ZNF300: variants seen among roughly 807,000 people sequenced by gnomAD.
The protein encoded by ZNF300 is zinc finger protein 300.
Under a neutral mutation model 13.9 loss-of-function variants are expected in ZNF300, and 6 were observed. The ratio of observed to expected loss-of-function variants is 0.43; its 90% CI spans 0.24 to 0.85. The LOEUF (loss-of-function observed/expected upper bound fraction) is 0.85. Ranked by LOEUF, ZNF300 falls within the 40% of genes least tolerant of loss-of-function variation. The pLI is 0.25. For synonymous variants in ZNF300, 237 were observed against 242.2 expected, an observed-to-expected ratio of 0.98 and a Z score of 0.20; for missense variants, 662 against 714.2, an observed-to-expected ratio of 0.93 and a Z score of 0.83.
chr5:150,897,846 C>T, intron 5 of ZNF300: 1 of 476,508 alleles, frequency 2.1e-6, no homozygotes, highest in Admixed American at 3.9e-5. Context: ...CCTTTAAAAC[C>T]CTTTCAGGAA....
At position 150,896,598 on chromosome 5, in the gene ZNF300, T is replaced by C; in HGVS notation, c.641A>G (p.Gln214Arg). The change falls in exon 6 of 6, where the codon CAG becomes CGG. Residue 214 changes from glutamine to arginine, a missense_variant. Coordinates refer to ENST00000274599, the MANE Select transcript of ZNF300 (RefSeq NM_052860.4). ...AGATGATTTTCCACCTCCAAAACTC[T>C]GATCAGGTTTTTTTCTTGAATTGCT... is the stretch of plus-strand genomic sequence containing the variant. ...YKSNSRKKPD[Q>R]SFGGGKSSSQ... 6.2e-7 allele frequency: 1 copy of C among 1,613,726 alleles called. No homozygotes were observed. The highest frequency in any genetic ancestry group is 8.5e-7 in the Non-Finnish European group (1 of 1,179,818).
At position 150,896,121 on chromosome 5, in the gene ZNF300, C is replaced by T. The variant is rs866815097; in HGVS notation, c.1118G>A (p.Arg373Lys). 1 of 1,613,346 alleles carries T rather than the reference C, an allele frequency of 6.2e-7. No homozygotes were observed. Among genetic ancestry groups the T allele is most frequent in the Non-Finnish European group, 8.5e-7 (1 of 1,179,712 alleles). Residue 373 changes from arginine (R) to lysine (K), a missense_variant, in exon 6 of 6, where the codon AGA becomes AAA. Arg to Lys is a conservative substitution (Grantham distance 26, BLOSUM62 2). Transcript: ENST00000274599. ...SQKSPLIIHQ[R>K]IHTGEKPYEC... Reference sequence around the variant, plus strand: ...ATAGGGTTTTTCCCCAGTATGTATTCTCTGATGTATAATGAGGGGTGATTT... The same window carrying T: ...ATAGGGTTTTTCCCCAGTATGTATTTTCTGATGTATAATGAGGGGTGATTT...
At position 150,903,904 on chromosome 5, in the gene ZNF300, A is replaced by C. The variant is rs1187938707; in HGVS notation, c.-68T>G. The C allele has an allele frequency of 6.5e-6, 1 of 153,944 alleles. No homozygotes were observed. The highest frequency in any genetic ancestry group is 1.4e-5 in the Non-Finnish European group (1 of 69,134). The allele number at this position is 153,944 out of a possible 1,614,324, so 9.5% of individuals were successfully genotyped here. A position where few individuals can be genotyped will look rare whatever the true frequency, so the allele number is the denominator to read the frequency against. On this transcript the variant is annotated 5_prime_UTR_variant, in exon 2 of 6. Transcript: ENST00000274599. ...CAGTCCCAGGACAAGTCATGCAGAC[A>C]GAGCTGAACTATTTCAGAGGACGTG...
rs752704683 is a variant in ZNF300 at position 150,898,151 on chromosome 5, T to G, written c.176A>C (p.Lys59Thr). Residue 59 changes from lysine (K) to threonine (T), a missense_variant, in exon 5 of 6, where the codon AAG (lysine) becomes ACG (threonine). By Grantham distance (78) the Lys-to-Thr change is moderately conservative. Transcript: ENST00000274599. ...CCATGGCTCTTCTCCTTGTTCCAAC[T>G]TGGAGATGACATCTGGTTTGGAAAC... is the stretch of plus-strand genomic sequence containing the variant. ...YPVSKPDVIS[K>T]LEQGEEPWII... 1 of 1,613,394 alleles carries G rather than the reference T, an allele frequency of 6.2e-7. No individual in the cohort carries two copies.
rs772566691 is a variant in ZNF300 at position 150,895,470 on chromosome 5, G to C, written c.1769C>G (p.Ser590Ter). ...AICGKAFIQK[S>*]QLTVHQRIHT... ...AATTCTCTGGTGTACAGTTAGTTGT[G>C]ACTTCTGGATGAAGGCCTTCCCACA... Residue 590 changes from serine to a stop codon, truncating the protein, a stop_gained, in exon 6 of 6, where the codon TCA becomes TGA. Transcript: ENST00000274599. LOFTEE classifies it high-confidence loss of function. 1.2e-6 allele frequency: 2 copies of C among 1,612,390 alleles called. No individual in the cohort carries two copies. The highest frequency in any genetic ancestry group is 1.7e-6 in the Non-Finnish European group (2 of 1,179,154).
intron 2 of ZNF300, 145 bp downstream of exon 2, chr5:150,903,719 G>T: frequency 4.1e-6 from 1 of 243,910 alleles, no homozygotes; most frequent in Non-Finnish European, 7.9e-6. Context: ...CAATGTGCAT[G>T]AACTCAAAGG....
Position 150,895,932 on chromosome 5 carries a change from G to A in ZNF300, c.1307C>T (p.Pro436Leu). The part of the protein sequence containing the change: ...IHKRIHTGEK[P>L]YKCAQCEEAF... Reference sequence around the variant, plus strand: ...TTCCTCACATTGAGCACATTTGTAGGGTTTCTCACCAGTGTGAATTCTTTT... The same window carrying A: ...TTCCTCACATTGAGCACATTTGTAGAGTTTCTCACCAGTGTGAATTCTTTT... Residue 436 changes from proline (P) to leucine (L), a missense_variant, in exon 6 of 6, where the codon CCC becomes CTC. Pro to Leu is a moderately conservative substitution (Grantham distance 98, BLOSUM62 -3). Transcript: ENST00000274599. The A allele has an allele frequency of 6.2e-7, 1 of 1,613,418 alleles. No individual in the cohort carries two copies. The highest frequency in any genetic ancestry group is 8.5e-7 in the Non-Finnish European group (1 of 1,179,780).
At position 150,896,031 on chromosome 5, in the gene ZNF300, T is replaced by C; in HGVS notation, c.1208A>G (p.His403Arg). The C allele has an allele frequency of 6.2e-7, 1 of 1,610,944 alleles. No individual in the cohort carries two copies. The highest frequency in any genetic ancestry group is 8.5e-7 in the Non-Finnish European group (1 of 1,177,390). ...KSQLIIHHRA[H>R]TGEKPYECTE... is the part of the protein sequence containing the mutation. ...ACACTCATACGGCTTCTCTCCAGTA[T>C]GAGCTCTGTGGTGTATAATCAGCTG... Residue 403 changes from histidine (H) to arginine (R), a missense_variant, in exon 6 of 6, where the codon CAT becomes CGT. By Grantham distance (29) the His-to-Arg change is conservative. Coordinates refer to ENST00000274599, the MANE Select transcript of ZNF300 (RefSeq NM_052860.4).
intron 3 of ZNF300, among the ~76,000 whole-genome samples, chr5:150,900,317 T>G (rs1754949185): frequency 6.6e-6 from 1 of 152,050 alleles, no homozygotes; most frequent in Admixed American, 6.6e-5. Flanking sequence ...AGTTTCAAAA[T>G]TCTCAGCCTT....
intron 2 of ZNF300, 29 bp from the exon 3 acceptor site, chr5:150,903,211 G>A (rs1199238800): frequency 1.2e-6 from 2 of 1,613,830 alleles, no homozygotes; most frequent in East Asian, 2.2e-5. Context: ...TGATCAGAAT[G>A]TTTTTCATAG....
At position 150,898,042 on chromosome 5, in the gene ZNF300, T is replaced by C. The variant is rs1754856366; in HGVS notation, c.265+20A>G. The C allele has an allele frequency of 6.2e-7, 1 of 1,603,882 alleles. No individual in the cohort carries two copies. The highest frequency in any genetic ancestry group is 8.5e-7 in the Non-Finnish European group (1 of 1,176,546). On this transcript the variant is annotated intron_variant, in intron 5 of 5. Coordinates refer to ENST00000274599, the MANE Select transcript of ZNF300 (RefSeq NM_052860.4). ...CAGGCACCAATCAATTAAAAAAACATAAATTGATATTTCACTTCCCTTGTC... is the reference window on the plus strand; with the variant it reads ...CAGGCACCAATCAATTAAAAAAACACAAATTGATATTTCACTTCCCTTGTC...
At position 150,904,721 on chromosome 5, in the gene ZNF300, C is replaced by T. The variant is rs953962740; in HGVS notation, c.-159G>A. ...AGACTCACCCTTCACCGCACACATC[C>T]CGCCTCTGACTCCCAGCTCGATTAT... On this transcript the variant is annotated 5_prime_UTR_variant, in exon 1 of 6. Transcript: ENST00000274599. 1 of 153,402 alleles carries T rather than the reference C, an allele frequency of 6.5e-6. No individual in the cohort carries two copies. The highest frequency in any genetic ancestry group is 1.5e-5 in the Non-Finnish European group (1 of 68,498). The allele number at this position is 153,402 out of a possible 1,614,324, so 9.5% of individuals were successfully genotyped here.
At chr5:150,898,801 T>TAA (rs979743009) in intron 3 of ZNF300, among the ~76,000 whole-genome samples, 2 of 152,064 alleles carry the variant, frequency 1.3e-5, no homozygotes, top group Non-Finnish European at 2.9e-5. Flanking sequence ...GGGAGGAAGA[T>TAA]GGATTATTGG....
intron 4 of ZNF300, 91 bp downstream of exon 4, chr5:150,898,337 G>A (rs1754871566): frequency 1.9e-6 from 3 of 1,605,548 alleles, no homozygotes; most frequent in Admixed American, 3.3e-5. Flanking sequence ...TAAAAGTCAT[G>A]ACATATGTCA....
chr5:150,895,315 T>TA lies in ZNF300; in HGVS notation c.*108dup, dbSNP rs1273689345. Reference sequence around the variant, plus strand: ...TCACCAAACTAGAAACAAATTCCCTTAAAAATTTTTATCTATTGGGATGTT... The same window carrying TA: ...TCACCAAACTAGAAACAAATTCCCTTAAAAAATTTTTATCTATTGGGATGTT... On this transcript the variant is annotated 3_prime_UTR_variant, in exon 6 of 6. Transcript: ENST00000274599. 1.7e-5 allele frequency: 14 copies of TA among 825,218 alleles called. No homozygotes were observed. The East Asian group carries it at 3.7e-4, about 22-fold the overall frequency. 51.1% of individuals were successfully genotyped at this position (825,218 alleles called of 1,614,324 possible).
At chr5:150,897,027 G>A in intron 5 of ZNF300, 54 bp from the exon 6 acceptor site, 2 of 1,391,062 alleles carry the variant, frequency 1.4e-6, no homozygotes, top group Non-Finnish European at 9.7e-7. Context: ...AATTAAGAGG[G>A]TAAAGAAGTA....
rs1385237648 is a variant in ZNF300, at chr5:150,896,410, C to T, written c.829G>A (p.Ala277Thr). The change falls in exon 6 of 6, where the codon GCC becomes ACC. Residue 277 changes from alanine (A) to threonine (T), a missense_variant. Physicochemically the swap from Ala to Thr is moderately conservative, Grantham distance 58. Coordinates refer to ENST00000274599, the MANE Select transcript of ZNF300 (RefSeq NM_052860.4). ...KSCVCVTCGK[A>T]FAKKSQLIVH... ...ATGAGTTGTGACTTCTTAGCAAAGG[C>T]TTTTCCACATGTAACACATACACAG... The T allele has an allele frequency of 1.2e-6, 2 of 1,613,538 alleles. No homozygotes were observed. Among genetic ancestry groups the T allele is most frequent in the Admixed American group, 3.3e-5 (2 of 59,912 alleles).
In ZNF300 at chr5:150,895,139, T is replaced by C. The variant is rs138745792; in HGVS notation, c.*285A>G. ...ACAATGGCTGATTATCATTTTGTAG[T>C]ATAAGGAATATGCAACTTGACAATA... On this transcript the variant is annotated 3_prime_UTR_variant, in exon 6 of 6. Transcript: ENST00000274599. 6.1e-4 allele frequency: 173 copies of C among 285,534 alleles called. 1 individual carries two copies. The highest frequency in any genetic ancestry group is 3.6e-3 in the African/African-American group (164 of 45,966). The allele number at this position is 285,534 out of a possible 1,614,324, so 17.7% of individuals were successfully genotyped here.
Position 150,895,498 on chromosome 5 carries a change from T to G in ZNF300, c.1741A>C (p.Ile581Leu), listed in dbSNP as rs145438362. Reference protein sequence around the residue: ...HTGERPYQCAICGKAFIQKSQ... With the variant: ...HTGERPYQCALCGKAFIQKSQ... ...TTCTGGATGAAGGCCTTCCCACATA[T>G]AGCACATTGATAGGGTCTTTCCCCA... The change falls in exon 6 of 6, where the codon ATA (isoleucine) becomes CTA (leucine). Residue 581 changes from isoleucine (I) to leucine (L), a missense_variant. Coordinates refer to ENST00000274599, the MANE Select transcript of ZNF300 (RefSeq NM_052860.4). The G allele has an allele frequency of 1.4e-5, 22 of 1,613,278 alleles. No homozygotes were observed. The African/African-American group carries it at 2.7e-4, about 20-fold the overall frequency.
Sources: gnomAD v4.1 joint callset for allele counts (sites outside exome capture counted in the v4.1 genomes callset) on GRCh38, gnomAD v4.1.1 for gene constraint, MANE v1.5 for transcripts, NCBI Gene and HGNC (gene_info 2026-07-23, HGNC 2026-07-21) for gene names.